The following SEMA5B variants were observed in gnomAD, a reference collection of about 807,000 sequenced individuals.
SEMA5B encodes semaphorin-5B.
A neutral mutation model predicts 135.0 loss-of-function variants in SEMA5B; 66 were observed. The ratio of observed to expected loss-of-function variants is 0.49; its 90% CI spans 0.40 to 0.60. The LOEUF (loss-of-function observed/expected upper bound fraction) is 0.60. Among genes scored for constraint, SEMA5B ranks in the 20% least tolerant of loss-of-function variants. The probability of loss-of-function intolerance (pLI) is 0.00; values close to 1 mark genes in which losing one functional copy is unlikely to be tolerated. For missense variants in SEMA5B, 1,501 were observed against 1,566.3 expected, an observed-to-expected ratio of 0.96 and a Z score of 0.70; for synonymous variants, 690 against 639.5, an observed-to-expected ratio of 1.08 and a Z score of -1.19.
At chr3:122,920,251 C>A (rs1938283050) in intron 12 of SEMA5B, among the ~76,000 whole-genome samples, 1 of 152,210 alleles carries the variant, frequency 6.6e-6, no homozygotes, top group Non-Finnish European at 1.5e-5. Flanking sequence ...TTCTCCTGCG[C>A]CAAACTCCTC....
intron 2 of SEMA5B, among the ~76,000 whole-genome samples, chr3:122,953,224 C>A (rs1039574319): frequency 7.2e-5 from 11 of 152,134 alleles, no homozygotes; most frequent in Admixed American, 5.9e-4. Flanking sequence ...CTCTTTCCCA[C>A]CCTCCCGCTA....
chr3:122,933,547 T>A (rs1184350531), intron 5 of SEMA5B, among the ~76,000 whole-genome samples: 3 of 152,176 alleles, frequency 2.0e-5, no homozygotes, highest in African/African-American at 7.2e-5. Flanking sequence ...CGGGTCTTTT[T>A]TGGGAACTCA....
At chr3:122,974,616 T>C (rs970901413) in intron 1 of SEMA5B, among the ~76,000 whole-genome samples, 1 of 151,688 alleles carries the variant, frequency 6.6e-6, no homozygotes, top group African/African-American at 2.4e-5. Context: ...TGGGGCTTGG[T>C]TGTGGGCAGA....
At chr3:122,958,248 G>C (rs1280237459) in intron 2 of SEMA5B, 9 of 152,266 alleles carry the variant, frequency 5.9e-5, no homozygotes, top group Non-Finnish European at 1.2e-4. Flanking sequence ...TGGGGAAGGT[G>C]ATTCAGGCCA....
intron 1 of SEMA5B, among the ~76,000 whole-genome samples, chr3:122,989,806 C>A (rs913017729): frequency 2.0e-5 from 3 of 152,156 alleles, no homozygotes; most frequent in African/African-American, 7.2e-5. Context: ...AAAATTGGTT[C>A]CCTGGGGGAG....
intron 5 of SEMA5B, among the ~76,000 whole-genome samples, chr3:122,937,470 G>A (rs1939348953): frequency 6.6e-6 from 1 of 152,186 alleles, no homozygotes; most frequent in Non-Finnish European, 1.5e-5. Context: ...ACACCAGAGT[G>A]GGAACGTGGA....
chr3:122,928,637 C>T (rs2107657248), intron 6 of SEMA5B, 22 bp from the exon 7 acceptor site: 4 of 1,510,678 alleles, frequency 2.6e-6, no homozygotes, highest in Non-Finnish European at 3.6e-6. Context: ...AGGAAAGGAG[C>T]AGACAGCACA....
intron 2 of SEMA5B, among the ~76,000 whole-genome samples, chr3:122,953,970 G>T (rs1470879379): frequency 1.3e-5 from 2 of 152,230 alleles, no homozygotes; most frequent in Non-Finnish European, 2.9e-5. Flanking sequence ...ACAGCAATGT[G>T]GGTGTGTGAA....
intron 1 of SEMA5B, among the ~76,000 whole-genome samples, chr3:123,018,560 A>C (rs1942610713): frequency 6.6e-6 from 1 of 152,222 alleles, no homozygotes; most frequent in African/African-American, 2.4e-5. Context: ...GGAAGAACCC[A>C]ATCGGGACCC....
At chr3:123,026,165 AG>A (rs1024116798) in intron 1 of SEMA5B, among the ~76,000 whole-genome samples, 3 of 152,184 alleles carry the variant, frequency 2.0e-5, no homozygotes, top group African/African-American at 7.2e-5. Flanking sequence ...TGAAGGAAAA[AG>A]ATGGGGTTAG....
intron 1 of SEMA5B, among the ~76,000 whole-genome samples, chr3:123,004,531 A>G (rs1005413811): frequency 1.3e-5 from 2 of 152,378 alleles, no homozygotes; most frequent in African/African-American, 4.8e-5. Context: ...CACATTTTAT[A>G]GAGAACCACA....
At chr3:122,919,238 CA>C (rs1167041889) in intron 12 of SEMA5B, among the ~76,000 whole-genome samples, 1 of 152,036 alleles carries the variant, frequency 6.6e-6, no homozygotes, top group Admixed American at 6.6e-5. Flanking sequence ...ATGGGGCAGC[CA>C]GGGGAGATCT....
chr3:123,003,438 T>TA lies in SEMA5B; in HGVS notation c.-39+24025dup, dbSNP rs78222078. Reference sequence around the variant, plus strand: ...ATTCACATGAGAGGAACTTTAGAGATAAAAAAAAAAATCATGTAGTTCAGG... The same window carrying TA: ...ATTCACATGAGAGGAACTTTAGAGATAAAAAAAAAAAATCATGTAGTTCAGG... On this transcript the variant is annotated intron_variant, in intron 1 of 22. Coordinates refer to ENST00000357599, the MANE Select transcript of SEMA5B (RefSeq NM_001031702.4). Among the ~76,000 whole-genome samples the TA allele has an allele frequency of 9.2e-3, 1,363 of 147,840 alleles. 21 individuals carry two copies. Among genetic ancestry groups the TA allele is most frequent in the African/African-American group, 0.03 (1,224 of 40,528 alleles).
At chr3:122,998,375 T>C (rs573799646) in intron 1 of SEMA5B, among the ~76,000 whole-genome samples, 1 of 152,304 alleles carries the variant, frequency 6.6e-6, no homozygotes, top group African/African-American at 2.4e-5. Context: ...AATCCTGATC[T>C]GTCACTTATC....
At chr3:123,015,428 G>A (rs1393708016) in intron 1 of SEMA5B, among the ~76,000 whole-genome samples, 3 of 152,196 alleles carry the variant, frequency 2.0e-5, no homozygotes, top group Non-Finnish European at 2.9e-5. Flanking sequence ...CTAAGCATAC[G>A]GGTATGCTGG....
Position 122,927,969 on chromosome 3 carries a change from T to C in SEMA5B, c.671A>G (p.Asn224Ser), listed in dbSNP as rs148683317. ...GNLSRTIEKINGVARCPYDPR... is the reference protein window; with the variant it reads ...GNLSRTIEKISGVARCPYDPR... ...GTCATAGGGGCAGCGGGCCACACCA[T>C]TGATCTTCTCAATAGTCCGGCTGAG... Residue 224 changes from asparagine to serine, a missense_variant, in exon 8 of 23, where the codon AAT becomes AGT. Transcript: ENST00000357599. The C allele has an allele frequency of 3.0e-5, 46 of 1,535,784 alleles. No homozygotes were observed. Among genetic ancestry groups the C allele is most frequent in the African/African-American group, 1.1e-4 (8 of 71,692 alleles).
chr3:122,940,443 T>C (rs906842306), intron 4 of SEMA5B, among the ~76,000 whole-genome samples: 1 of 152,230 alleles, frequency 6.6e-6, no homozygotes, highest in Admixed American at 6.5e-5. Context: ...AAAGGCTCTG[T>C]TCATGCTGAA....
chr3:123,003,746 A>G (rs1461852190), intron 1 of SEMA5B, among the ~76,000 whole-genome samples: 1 of 152,220 alleles, frequency 6.6e-6, no homozygotes, highest in Non-Finnish European at 1.5e-5. Flanking sequence ...AGGCAGGAGA[A>G]TCGCATGAAC....
intron 1 of SEMA5B, among the ~76,000 whole-genome samples, chr3:123,009,501 G>A (rs375597567): frequency 2.2e-3 from 339 of 152,078 alleles, no homozygotes; most frequent in Non-Finnish European, 3.6e-3. Context: ...TACTCCCTCC[G>A]TTCACATGTA....
Sources: allele counts gnomAD v4.1 joint callset (sites outside exome capture counted in the v4.1 genomes callset), GRCh38; gene constraint gnomAD v4.1.1; transcripts MANE v1.5; gene names NCBI Gene and HGNC (gene_info 2026-07-23, HGNC 2026-07-21).